ARHGAP10: variants seen among roughly 807,000 people sequenced by gnomAD.
ARHGAP10 encodes rho GTPase-activating protein 10.
Under a neutral mutation model 108.6 loss-of-function variants are expected in ARHGAP10, and 87 were observed. That is an observed-to-expected ratio of 0.80 (90% CI 0.67 to 0.96). ARHGAP10 has a LOEUF of 0.96. ARHGAP10 is among the 40% of genes least tolerant of loss of function. The pLI, the probability that ARHGAP10 is intolerant of heterozygous loss-of-function variation, is 0.00. For synonymous variants in ARHGAP10, 347 were observed against 341.1 expected (o/e 1.02, Z -0.19); for missense variants, 939 against 954.5 (o/e 0.98, Z 0.21).
At chr4:147,794,102 G>T (rs1228903373) in intron 1 of ARHGAP10, among the ~76,000 whole-genome samples, 2 of 152,178 alleles carry the variant, frequency 1.3e-5, no homozygotes, top group Admixed American at 1.3e-4. Flanking sequence ...TAAGTGTAGG[G>T]GAGGGACAGG....
At chr4:147,812,174 G>A (rs1281744606) in intron 1 of ARHGAP10, among the ~76,000 whole-genome samples, 1 of 152,190 alleles carries the variant, frequency 6.6e-6, no homozygotes, top group Non-Finnish European at 1.5e-5. Context: ...AATGGCTGGT[G>A]AAGGAGGGAG....
chr4:147,979,219 A>C (rs1002147543), intron 18 of ARHGAP10, among the ~76,000 whole-genome samples: 7 of 152,102 alleles, frequency 4.6e-5, no homozygotes, highest in Non-Finnish European at 1.0e-4. Context: ...ATCTTTAGTT[A>C]ATTTATTGTA....
chr4:147,905,267 T>C (rs1423799281), intron 10 of ARHGAP10, among the ~76,000 whole-genome samples: 1 of 150,470 alleles, frequency 6.6e-6, no homozygotes, highest in Non-Finnish European at 1.5e-5. Flanking sequence ...TTGGCTTTTG[T>C]TGCCATTGCT....
chr4:148,002,670 A>G (rs1740771011), intron 18 of ARHGAP10, among the ~76,000 whole-genome samples: 1 of 152,200 alleles, frequency 6.6e-6, no homozygotes. Flanking sequence ...GAATTTATCC[A>G]TTTCTTCTAG....
chr4:148,046,279 T>A (rs944735041), intron 19 of ARHGAP10, among the ~76,000 whole-genome samples: 10 of 152,144 alleles, frequency 6.6e-5, no homozygotes, highest in South Asian at 2.1e-4. Flanking sequence ...TAAAAAAAAA[T>A]TTAGCTTTGG....
intron 1 of ARHGAP10, among the ~76,000 whole-genome samples, chr4:147,804,532 G>A (rs998445118): frequency 6.6e-6 from 1 of 152,202 alleles, no homozygotes; most frequent in Non-Finnish European, 1.5e-5. Flanking sequence ...TAATGGGATT[G>A]CTGGGTCAAA....
intron 18 of ARHGAP10, among the ~76,000 whole-genome samples, chr4:148,001,440 A>G (rs1454837866): frequency 5.9e-5 from 9 of 152,120 alleles, no homozygotes; most frequent in Non-Finnish European, 1.0e-4. Context: ...GTTTTTTCCA[A>G]TTCTGTGAAG....
At chr4:148,055,714 G>A (rs917496917) in intron 20 of ARHGAP10, among the ~76,000 whole-genome samples, 8 of 152,194 alleles carry the variant, frequency 5.3e-5, no homozygotes, top group African/African-American at 1.9e-4. Context: ...AAAGATATTT[G>A]TTCTCAAAGG....
chr4:148,016,251 C>T (rs1741342177), intron 18 of ARHGAP10, among the ~76,000 whole-genome samples: 1 of 152,122 alleles, frequency 6.6e-6, no homozygotes, highest in South Asian at 2.1e-4. Flanking sequence ...TACCTGTAAT[C>T]CCAGTGCTTT....
chr4:147,745,479 C>CA (rs1728873187), intron 1 of ARHGAP10: 1 of 155,854 alleles, frequency 6.4e-6, no homozygotes, highest in African/African-American at 2.4e-5. Context: ...TCTCAGAGCA[C>CA]AAAGTGTTTG....
chr4:147,753,069 A>C (rs1200271717), intron 1 of ARHGAP10, among the ~76,000 whole-genome samples: 1 of 152,230 alleles, frequency 6.6e-6, no homozygotes, highest in Non-Finnish European at 1.5e-5. Context: ...ATGGCAAAGT[A>C]ATAGTATCAG....
intron 3 of ARHGAP10, among the ~76,000 whole-genome samples, chr4:147,829,277 C>T (rs372714834): frequency 2.4e-4 from 37 of 152,140 alleles, no homozygotes; most frequent in African/African-American, 8.4e-4. Context: ...TGGTCTCGAT[C>T]TCCTGACCTT....
chr4:147,920,622 G>A (rs796439872), intron 13 of ARHGAP10, among the ~76,000 whole-genome samples: 4 of 123,376 alleles, frequency 3.2e-5, no homozygotes, highest in African/African-American at 7.6e-5. Context: ...TCTGGGATAC[G>A]TGTTCAACGT....
chr4:148,040,719 G>A (rs1728596100), intron 19 of ARHGAP10, among the ~76,000 whole-genome samples: 1 of 152,100 alleles, frequency 6.6e-6, no homozygotes, highest in Admixed American at 6.5e-5. Flanking sequence ...TTTGGCTAAT[G>A]GTCCCTCTGG....
At chr4:148,014,642 G>A (rs910837304) in intron 18 of ARHGAP10, among the ~76,000 whole-genome samples, 36 of 152,340 alleles carry the variant, frequency 2.4e-4, no homozygotes, top group African/African-American at 7.7e-4. Flanking sequence ...TCCCTAGTTA[G>A]TGGCACTGAA....
At chr4:147,855,046 A>C (rs1734030607) in intron 4 of ARHGAP10, among the ~76,000 whole-genome samples, 1 of 152,364 alleles carries the variant, frequency 6.6e-6, no homozygotes, top group Middle Eastern at 3.4e-3. Flanking sequence ...AAATCAAATA[A>C]GGTGGTAAAA....
intron 22 of ARHGAP10, among the ~76,000 whole-genome samples, chr4:148,069,075 G>A (rs375609014): frequency 1.3e-5 from 2 of 152,314 alleles, no homozygotes; most frequent in East Asian, 1.9e-4. Context: ...TGTTGTCCGC[G>A]TAGACACTGC....
intron 1 of ARHGAP10, among the ~76,000 whole-genome samples, chr4:147,774,335 T>G (rs899196709): frequency 2.0e-5 from 3 of 152,214 alleles, no homozygotes; most frequent in Non-Finnish European, 2.9e-5. Flanking sequence ...TGAACTCTTG[T>G]TCTTAGTGGA....
rs1186046030 is a variant in ARHGAP10, at chr4:147,732,152, G to A, written c.-150G>A. The A allele has an allele frequency of 4.6e-6, 3 of 653,168 alleles. No individual in the cohort carries two copies. Among genetic ancestry groups the A allele is most frequent in the Non-Finnish European group, 6.7e-6 (3 of 444,994 alleles). 40.5% of individuals were successfully genotyped at this position (653,168 alleles called of 1,614,324 possible). ...CCGCGCCGCAGGACTCGGCTCTACG[G>A]GACATGTCCGTGCCGCGCTCGCCGC... On this transcript the variant is annotated 5_prime_UTR_variant, in exon 1 of 23. Transcript: ENST00000336498.
Sources: gnomAD v4.1 joint callset for allele counts (sites outside exome capture counted in the v4.1 genomes callset) on GRCh38, gnomAD v4.1.1 for gene constraint, MANE v1.5 for transcripts, NCBI Gene and HGNC (gene_info 2026-07-23, HGNC 2026-07-21) for gene names.